Variants in APPBP2 observed in about 807,000 individuals in gnomAD.
The protein encoded by APPBP2 is amyloid beta precursor protein binding protein 2.
Under a neutral mutation model 76.0 loss-of-function variants are expected in APPBP2, and 15 were observed. The ratio of observed to expected loss-of-function variants is 0.20; its 90% confidence interval spans 0.13 to 0.30. APPBP2 has a LOEUF of 0.30. Ranked by LOEUF, APPBP2 falls within the 10% of genes least tolerant of loss-of-function variation. The pLI is 1.00. For synonymous variants in APPBP2, 222 were observed against 242.2 expected, an observed-to-expected ratio of 0.92 and a Z score of 0.77; for missense variants, 401 against 687.2, an observed-to-expected ratio of 0.58 and a Z score of 4.66.
intron 9 of APPBP2, among the ~76,000 whole-genome samples, chr17:60,456,764 A>G (rs1363239009): frequency 6.6e-6 from 1 of 151,986 alleles, no homozygotes; most frequent in Non-Finnish European, 1.5e-5. Flanking sequence ...TACCCTTTCT[A>G]TAATGCTCTT....
intron 3 of APPBP2, among the ~76,000 whole-genome samples, chr17:60,488,480 A>G (rs1309998781): frequency 1.3e-5 from 2 of 152,240 alleles, no homozygotes; most frequent in Non-Finnish European, 2.9e-5. Context: ...AGAGACAGAA[A>G]GTAGATGATG....
At chr17:60,495,439 ATTATTTATTTATTTATTTATTTAT>A (rs57497934) in intron 2 of APPBP2, among the ~76,000 whole-genome samples, 1 of 136,588 alleles carries the variant, frequency 7.3e-6, no homozygotes, top group Non-Finnish European at 1.5e-5. Flanking sequence ...TTATTTATTT[ATTATTTATTTATTTATTTATTTAT>A]TTATTTATTT....
Position 60,444,516 on chromosome 17 carries a change from C to T in APPBP2, c.*3065G>A, listed in dbSNP as rs1317963333. 2.6e-5 allele frequency: 4 copies of T among 151,986 alleles called. No individual in the cohort carries two copies. The highest frequency in any genetic ancestry group is 7.3e-5 in the African/African-American group (3 of 41,346). 9.4% of individuals were successfully genotyped at this position (151,986 alleles called of 1,614,324 possible). A position where few individuals can be genotyped will look rare whatever the true frequency, so the allele number is the denominator to read the frequency against. ...TCATAAAATTATAAACTTTTCCCAA[C>T]AGGCTAGGAACAAAGGTCTTTCTCA... On this transcript the variant is annotated 3_prime_UTR_variant, in exon 13 of 13. Transcript: ENST00000083182.
chr17:60,510,940 A>T (rs2090906921), intron 1 of APPBP2, among the ~76,000 whole-genome samples: 1 of 136,106 alleles, frequency 7.3e-6, no homozygotes, highest in Non-Finnish European at 1.5e-5. Context: ...TCCATGAAAC[A>T]AGAAATTAAG....
chr17:60,514,824 G>A (rs576250573), intron 1 of APPBP2, among the ~76,000 whole-genome samples: 1 of 151,922 alleles, frequency 6.6e-6, no homozygotes, highest in East Asian at 1.9e-4. Context: ...TTTTTTTTGA[G>A]GCAGGGTCTC....
intron 9 of APPBP2, among the ~76,000 whole-genome samples, chr17:60,457,241 C>T (rs1018221028): frequency 7.2e-5 from 11 of 152,052 alleles, no homozygotes; most frequent in Non-Finnish European, 1.2e-4. Context: ...CCCATATCAC[C>T]AAATAGAAGG....
At chr17:60,517,096 C>T (rs559554165) in intron 1 of APPBP2, among the ~76,000 whole-genome samples, 1 of 152,276 alleles carries the variant, frequency 6.6e-6, no homozygotes, top group Admixed American at 6.5e-5. Flanking sequence ...CTGCCTCAGA[C>T]TCCCAAGTAG....
chr17:60,463,193 A>T (rs555267742), intron 6 of APPBP2, among the ~76,000 whole-genome samples: 110 of 152,322 alleles, frequency 7.2e-4, no homozygotes, highest in African/African-American at 2.4e-3. Flanking sequence ...TTGAATTTCC[A>T]TAAGTAAAAT....
intron 1 of APPBP2, 66 bp from the exon 2 acceptor site, chr17:60,500,553 T>A: frequency 4.5e-6 from 5 of 1,101,784 alleles, no homozygotes; most frequent in Non-Finnish European, 6.7e-6. Flanking sequence ...TTAATCATAT[T>A]TGATAAATGT....
At chr17:60,491,251 C>T (rs2143421470) in intron 3 of APPBP2, among the ~76,000 whole-genome samples, 1 of 152,140 alleles carries the variant, frequency 6.6e-6, no homozygotes, top group South Asian at 2.1e-4. Flanking sequence ...GTGACTCTTG[C>T]TATATTTTAG....
rs1044458608 is a variant in APPBP2, at chr17:60,445,022, G to A, written c.*2559C>T. 6.6e-6 allele frequency: 1 copy of A among 151,970 alleles called. No homozygotes were observed. The highest frequency in any genetic ancestry group is 1.5e-5 in the Non-Finnish European group (1 of 67,992). 9.4% of individuals were successfully genotyped at this position (151,970 alleles called of 1,614,324 possible). On this transcript the variant is annotated 3_prime_UTR_variant, in exon 13 of 13. Transcript: ENST00000083182. ...TTTAAGAAACCCAATAAATCATAGTGGCACACATCTAACTTATCCTAAACA... is the reference window on the plus strand; with the variant it reads ...TTTAAGAAACCCAATAAATCATAGTAGCACACATCTAACTTATCCTAAACA...
At chr17:60,487,350 A>G (rs921503275) in intron 3 of APPBP2, among the ~76,000 whole-genome samples, 1 of 151,870 alleles carries the variant, frequency 6.6e-6, no homozygotes, top group Non-Finnish European at 1.5e-5. Flanking sequence ...TAGATTTGGT[A>G]TTTTCACATA....
chr17:60,509,843 G>C (rs1380061171), intron 1 of APPBP2, among the ~76,000 whole-genome samples: 1 of 152,092 alleles, frequency 6.6e-6, no homozygotes, highest in East Asian at 1.9e-4. Flanking sequence ...CTGATGTCTA[G>C]ATTTGCTTCC....
rs1221577594 is a variant in APPBP2, at chr17:60,447,778, T to C, written c.1561A>G (p.Ile521Val). 6.2e-7 allele frequency: 1 copy of C among 1,613,716 alleles called. No individual in the cohort carries two copies. Among genetic ancestry groups the C allele is most frequent in the Admixed American group, 1.7e-5 (1 of 59,964 alleles). The part of the protein sequence containing the change: ...SGLEYDYRGL[I>V]KLYNSIGNYE... ...TTTCCAATGGAGTTGTAAAGTTTAA[T>C]GAGACCTCGATAATCATATTCTAGT... The change falls in exon 13 of 13, where the codon ATT (isoleucine) becomes GTT (valine). Residue 521 changes from isoleucine (I) to valine (V), a missense_variant. Ile to Val is a conservative substitution (Grantham distance 29). Around this residue, in one of 5 missense-constraint regions of APPBP2, gnomAD observed 130 missense variants for 322.7 expected, o/e 0.40. Coordinates refer to ENST00000083182, the MANE Select transcript of APPBP2 (RefSeq NM_006380.5).
chr17:60,468,950 A>G (rs548317867), intron 4 of APPBP2, among the ~76,000 whole-genome samples: 73 of 152,330 alleles, frequency 4.8e-4, no homozygotes, highest in African/African-American at 1.7e-3. Flanking sequence ...TTACCATAAG[A>G]CTGAACATGA....
chr17:60,459,368 A>G (rs1474643156), intron 9 of APPBP2: 3 of 152,026 alleles, frequency 2.0e-5, no homozygotes, highest in Non-Finnish European at 4.4e-5. Context: ...TAGGTAAATA[A>G]TTATGTTTTG....
At position 60,525,891 on chromosome 17, in the gene APPBP2, TAG is replaced by T. The variant is rs751063843; in HGVS notation, c.39_40del (p.Tyr14Ter). On this transcript the variant is annotated frameshift_variant, in exon 1 of 13. Coordinates refer to ENST00000083182, the MANE Select transcript of APPBP2 (RefSeq NM_006380.5). LOFTEE classifies it high-confidence loss of function. ...CACGACAGCGGAGATGGCGGTGTTA[TAG>T]AGAGTCTCTGGGATCCACTCTAGTT... The T allele has an allele frequency of 1.2e-6, 2 of 1,614,030 alleles. No individual in the cohort carries two copies. The highest frequency in any genetic ancestry group is 1.7e-6 in the Non-Finnish European group (2 of 1,179,990).
In APPBP2 at chr17:60,447,528, G is replaced by A; in HGVS notation, c.*53C>T. On this transcript the variant is annotated 3_prime_UTR_variant, in exon 13 of 13. Transcript: ENST00000083182. ...AAAACAACATGGTTTTGATTTCACA[G>A]TATGAATTCCCTGGAATCCGGGAAA... is the stretch of plus-strand genomic sequence containing the variant. 6.5e-7 allele frequency: 1 copy of A among 1,549,162 alleles called. No homozygotes were observed. Among genetic ancestry groups the A allele is most frequent in the Non-Finnish European group, 8.7e-7 (1 of 1,148,954 alleles).
At chr17:60,486,050 T>G (rs140249789) in intron 3 of APPBP2, among the ~76,000 whole-genome samples, 1 of 152,250 alleles carries the variant, frequency 6.6e-6, no homozygotes, top group African/African-American at 2.4e-5. Context: ...TTGACTGCAC[T>G]GAGGTCTGAG....
Sources: gnomAD v4.1 joint callset for allele counts (sites outside exome capture counted in the v4.1 genomes callset) on GRCh38, gnomAD v4.1.1 for gene constraint, gnomAD v4.1.1 regional missense constraint, MANE v1.5 for transcripts, NCBI Gene and HGNC (gene_info 2026-07-23, HGNC 2026-07-21) for gene names.